Variants in HS6ST3 observed in about 807,000 individuals in gnomAD.
The protein encoded by HS6ST3 is heparan sulfate 6-O-sulfotransferase 3, also known as heparan-sulfate 6-O-sulfotransferase 3.
A neutral mutation model predicts 36.7 loss-of-function variants in HS6ST3; 12 were observed. The observed-to-expected ratio is 0.33, with a 90% CI of 0.21 to 0.53. The LOEUF is 0.53. Ranked by LOEUF, HS6ST3 falls within the 20% of genes least tolerant of loss-of-function variation. The pLI, the probability that HS6ST3 is intolerant of heterozygous loss-of-function variation, is 0.95. For synonymous variants in HS6ST3, 240 were observed against 257.5 expected (o/e 0.93, Z 0.65); for missense variants, 584 against 640.9 (o/e 0.91, Z 0.96).
At chr13:96,361,123 G>C (rs1186540269) in intron 1 of HS6ST3, among the ~76,000 whole-genome samples, 1 of 152,126 alleles carries the variant, frequency 6.6e-6, no homozygotes, top group East Asian at 1.9e-4. Context: ...TGATTCTCTT[G>C]ATTTAGAGAG....
intron 1 of HS6ST3, among the ~76,000 whole-genome samples, chr13:96,125,732 AATG>A (rs2053947328): frequency 6.6e-6 from 1 of 151,722 alleles, no homozygotes; most frequent in South Asian, 2.1e-4. Context: ...AGTTATGCTA[AATG>A]ATGACATTTC....
intron 1 of HS6ST3, among the ~76,000 whole-genome samples, chr13:96,492,171 G>T (rs2055949460): frequency 6.6e-6 from 1 of 152,150 alleles, no homozygotes; most frequent in South Asian, 2.1e-4. Flanking sequence ...CATAGATGCT[G>T]CCATTTTATT....
At chr13:96,638,570 G>A (rs1272856100) in intron 1 of HS6ST3, among the ~76,000 whole-genome samples, 1 of 151,842 alleles carries the variant, frequency 6.6e-6, no homozygotes, top group African/African-American at 2.4e-5. Context: ...TGCTGTTCTT[G>A]TGACAGCGAG....
chr13:96,488,894 T>A lies in HS6ST3; in HGVS notation c.708-343596T>A, dbSNP rs115440151. The stretch of plus-strand genomic sequence containing the variant: ...AATTTTGAGATCCTTAAAAAGCATT[T>A]TTTTTCTACTTCTTGGGGAAAATAG... On this transcript the variant is annotated intron_variant, in intron 1 of 1. Transcript: ENST00000376705. Among the ~76,000 whole-genome samples the A allele has an allele frequency of 4.6e-3, 704 of 152,174 alleles. 7 individuals are homozygous for A. The highest frequency in any genetic ancestry group is 0.016 in the African/African-American group (650 of 41,554).
intron 1 of HS6ST3, among the ~76,000 whole-genome samples, chr13:96,831,122 G>C (rs921755521): frequency 4.7e-4 from 71 of 152,144 alleles, no homozygotes; most frequent in African/African-American, 1.7e-3. Context: ...AATGCCTGCT[G>C]TTTCTCTTTC....
intron 1 of HS6ST3, among the ~76,000 whole-genome samples, chr13:96,223,832 A>G (rs971932320): frequency 2.0e-5 from 3 of 152,170 alleles, no homozygotes; most frequent in Non-Finnish European, 2.9e-5. Context: ...AAGGTCAACA[A>G]TGCTTTCCTT....
intron 1 of HS6ST3, among the ~76,000 whole-genome samples, chr13:96,665,585 G>A (rs2138427537): frequency 6.6e-6 from 1 of 152,086 alleles, no homozygotes; most frequent in Non-Finnish European, 1.5e-5. Flanking sequence ...TAGAAGAGTG[G>A]GAAAAGAATT....
chr13:96,753,075 CT>C (rs1201588449), intron 1 of HS6ST3, among the ~76,000 whole-genome samples: 1 of 152,190 alleles, frequency 6.6e-6, no homozygotes, highest in Non-Finnish European at 1.5e-5. Flanking sequence ...AACCAACTGT[CT>C]GGCCTCTCTG....
chr13:96,523,862 A>G lies in HS6ST3; in HGVS notation c.708-308628A>G, dbSNP rs1203927790. Among the ~76,000 whole-genome samples, 8 of 152,246 alleles carry G rather than the reference A, an allele frequency of 5.3e-5. No individual in the cohort carries two copies. The East Asian group carries it at 1.2e-3, about 22-fold the overall frequency. ...AACCTTCTGAAGCCTGCTTCTGTCAACTCGTCAAACTCATTCTCCATCCAG... is the reference window on the plus strand; with the variant it reads ...AACCTTCTGAAGCCTGCTTCTGTCAGCTCGTCAAACTCATTCTCCATCCAG... On this transcript the variant is annotated intron_variant, in intron 1 of 1. Coordinates refer to ENST00000376705, the MANE Select transcript of HS6ST3 (RefSeq NM_153456.4).
chr13:96,712,809 G>A (rs1370883259), intron 1 of HS6ST3, among the ~76,000 whole-genome samples: 3 of 152,184 alleles, frequency 2.0e-5, no homozygotes, highest in African/African-American at 4.8e-5. Flanking sequence ...GACTCAGTAG[G>A]TGTGATTTTA....
At chr13:96,595,162 C>T (rs1308544995) in intron 1 of HS6ST3, among the ~76,000 whole-genome samples, 1 of 152,176 alleles carries the variant, frequency 6.6e-6, no homozygotes, top group African/African-American at 2.4e-5. Context: ...CCACCAGCCG[C>T]AGCCTCCTGA....
chr13:96,598,696 A>T (rs1401637098), intron 1 of HS6ST3, among the ~76,000 whole-genome samples: 1 of 152,092 alleles, frequency 6.6e-6, no homozygotes, highest in Non-Finnish European at 1.5e-5. Flanking sequence ...TCAGGCTAGG[A>T]CTTCCAGAGC....
intron 1 of HS6ST3, among the ~76,000 whole-genome samples, chr13:96,173,669 TAAAAAAA>T (rs5805954): frequency 2.1e-5 from 2 of 94,862 alleles, no homozygotes; most frequent in African/African-American, 4.2e-5. Context: ...TCACAGGTTG[TAAAAAAA>T]AAAAAAAAAA....
chr13:96,314,405 C>G (rs2054957975), intron 1 of HS6ST3, among the ~76,000 whole-genome samples: 1 of 152,070 alleles, frequency 6.6e-6, no homozygotes, highest in Non-Finnish European at 1.5e-5. Context: ...GGAAATTTAA[C>G]TTTATTATTT....
chr13:96,609,960 C>T (rs1026255821), intron 1 of HS6ST3, among the ~76,000 whole-genome samples: 19 of 152,298 alleles, frequency 1.2e-4, no homozygotes, highest in African/African-American at 4.6e-4. Context: ...AGGTAAACCT[C>T]ATAAGAACAG....
intron 1 of HS6ST3, among the ~76,000 whole-genome samples, chr13:96,520,445 C>G (rs2056088594): frequency 6.6e-6 from 1 of 152,156 alleles, no homozygotes; most frequent in Non-Finnish European, 1.5e-5. Flanking sequence ...TTACTTTGGG[C>G]AGTAAGGCCA....
chr13:96,548,878 CT>C (rs1259460022), intron 1 of HS6ST3, among the ~76,000 whole-genome samples: 1 of 152,206 alleles, frequency 6.6e-6, no homozygotes, highest in African/African-American at 2.4e-5. Flanking sequence ...GATTTAAACA[CT>C]AATCTCATTC....
chr13:96,220,430 G>A (rs1225665222), intron 1 of HS6ST3, among the ~76,000 whole-genome samples: 3 of 152,170 alleles, frequency 2.0e-5, no homozygotes, highest in Non-Finnish European at 2.9e-5. Flanking sequence ...GTGAGGTAGA[G>A]CAGTTATCTC....
intron 1 of HS6ST3, among the ~76,000 whole-genome samples, chr13:96,536,845 C>T (rs953731430): frequency 2.0e-5 from 3 of 152,180 alleles, no homozygotes; most frequent in African/African-American, 7.2e-5. Flanking sequence ...TGTGTGGTTT[C>T]AGTAGTATGC....
Sources: gnomAD v4.1 joint callset for allele counts (sites outside exome capture counted in the v4.1 genomes callset) on GRCh38, gnomAD v4.1.1 for gene constraint, MANE v1.5 for transcripts, NCBI Gene and HGNC (gene_info 2026-07-23, HGNC 2026-07-21) for gene names.